The following NRXN1 variants were observed in gnomAD, a reference collection of about 807,000 sequenced individuals.
NRXN1 encodes the protein neurexin-1.
A neutral mutation model predicts 150.9 loss-of-function variants in NRXN1; 39 were observed. That is an observed-to-expected ratio of 0.26 (90% confidence interval 0.20 to 0.34). The LOEUF (loss-of-function observed/expected upper bound fraction) is 0.34, where lower values mean the gene tolerates loss of function less well. NRXN1 is among the 10% of genes least tolerant of loss of function. The pLI, the probability that NRXN1 is intolerant of heterozygous loss-of-function variation, is 1.00. For synonymous variants in NRXN1, 924 were observed against 757.0 expected (o/e 1.22, Z -3.62); for missense variants, 1,815 against 1,949.9 (o/e 0.93, Z 1.30).
At chr2:51,002,737 T>C (rs1289535860) in intron 2 of NRXN1, among the ~76,000 whole-genome samples, 1 of 151,944 alleles carries the variant, frequency 6.6e-6, no homozygotes, top group African/African-American at 2.4e-5. Flanking sequence ...GTTATTTTCT[T>C]TGCTACTTAA....
At position 50,954,681 on chromosome 2, in the gene NRXN1, G is replaced by A. The variant is rs186993475; in HGVS notation, c.773-28726C>T. On this transcript the variant is annotated intron_variant, in intron 2 of 22. Coordinates refer to ENST00000401669, the MANE Select transcript of NRXN1 (RefSeq NM_001330078.2). ...TGGAGGAATAACCTTGGACAAAAGA[G>A]GTTTGGTCAGAGGGCCTGGCATGCA... Among the ~76,000 whole-genome samples the A allele has an allele frequency of 9.4e-3, 1,433 of 152,302 alleles. 9 individuals carry two copies. The highest frequency in any genetic ancestry group is 0.051 in the Middle Eastern group (15 of 294).
At chr2:50,560,785 G>T (rs1026881251) in intron 8 of NRXN1, among the ~76,000 whole-genome samples, 2 of 152,042 alleles carry the variant, frequency 1.3e-5, no homozygotes, top group African/African-American at 2.4e-5. Flanking sequence ...AGAGTGTTTT[G>T]GGAAGGCAGC....
chr2:50,015,749 AAG>A (rs1403712020), intron 21 of NRXN1, among the ~76,000 whole-genome samples: 3 of 152,174 alleles, frequency 2.0e-5, no homozygotes, highest in East Asian at 3.9e-4. Context: ...GACAGACAAA[AAG>A]AGATTCATAG....
intron 5 of NRXN1, among the ~76,000 whole-genome samples, chr2:50,855,187 CTTCA>C (rs1471598892): frequency 6.6e-6 from 1 of 151,862 alleles, no homozygotes; most frequent in Non-Finnish European, 1.5e-5. Context: ...TTATTTATTA[CTTCA>C]TTCAGTCATT....
At chr2:50,338,308 T>C (rs1056555138) in intron 17 of NRXN1, among the ~76,000 whole-genome samples, 3 of 152,092 alleles carry the variant, frequency 2.0e-5, no homozygotes, top group Non-Finnish European at 2.9e-5. Flanking sequence ...CCTTCAGAAA[T>C]ATGGAATCTA....
At chr2:50,179,876 C>T (rs574831376) in intron 18 of NRXN1, among the ~76,000 whole-genome samples, 1 of 152,082 alleles carries the variant, frequency 6.6e-6, no homozygotes, top group Non-Finnish European at 1.5e-5. Flanking sequence ...TCCTCCTTCC[C>T]TTTTCCTATA....
chr2:50,309,326 T>C (rs2074963198), intron 17 of NRXN1, among the ~76,000 whole-genome samples: 1 of 152,166 alleles, frequency 6.6e-6, no homozygotes, highest in South Asian at 2.1e-4. Flanking sequence ...TTCCTCTAAC[T>C]TGATGAAAAA....
intron 17 of NRXN1, among the ~76,000 whole-genome samples, chr2:50,460,815 T>C (rs2088122882): frequency 6.6e-6 from 1 of 152,056 alleles, no homozygotes; most frequent in South Asian, 2.1e-4. Flanking sequence ...TATGAATTGC[T>C]TTAAACAGCT....
At chr2:50,219,296 T>C (rs1401408785) in intron 18 of NRXN1, among the ~76,000 whole-genome samples, 1 of 151,912 alleles carries the variant, frequency 6.6e-6, no homozygotes, top group Non-Finnish European at 1.5e-5. Context: ...AAGTATTGTC[T>C]TTTTATGTAT....
At chr2:50,235,016 G>C (rs950405295) in intron 18 of NRXN1, among the ~76,000 whole-genome samples, 2 of 151,976 alleles carry the variant, frequency 1.3e-5, no homozygotes, top group Non-Finnish European at 2.9e-5. Flanking sequence ...AAACAACAGT[G>C]GTTTGAGTAA....
At chr2:49,950,948 G>T (rs1673842529) in intron 21 of NRXN1, among the ~76,000 whole-genome samples, 1 of 151,908 alleles carries the variant, frequency 6.6e-6, no homozygotes. Flanking sequence ...TCAGCTGTCT[G>T]CTTGGGAAAA....
chr2:50,935,272 C>A (rs778245947), intron 2 of NRXN1, among the ~76,000 whole-genome samples: 1 of 152,082 alleles, frequency 6.6e-6, no homozygotes, highest in Non-Finnish European at 1.5e-5. Flanking sequence ...AAATAGTCAA[C>A]ATTTCTGTAA....
chr2:50,075,378 T>C (rs150083714), intron 19 of NRXN1, among the ~76,000 whole-genome samples: 15 of 152,298 alleles, frequency 9.8e-5, no homozygotes, highest in African/African-American at 3.4e-4. Context: ...TTATAGCTGA[T>C]AACAGGAAAA....
Position 50,472,349 on chromosome 2 carries a change from G to C in NRXN1, c.3193C>G (p.Leu1065Val), listed in dbSNP as rs373952532. The C allele has an allele frequency of 6.2e-7, 1 of 1,611,698 alleles. No individual in the cohort carries two copies. The highest frequency in any genetic ancestry group is 8.5e-7 in the Non-Finnish European group (1 of 1,178,604). ...SVDLNGRLPD[L>V]ISDALFCNGQ... ...TTGCAGAAAAGAGCATCGGAGATGA[G>C]GTCCGGAAGCCGTCCATTTAAATCA... The change falls in exon 16 of 23, where the codon CTC becomes GTC. Residue 1065 changes from leucine (L) to valine (V), a missense_variant. Coordinates refer to ENST00000401669, the MANE Select transcript of NRXN1 (RefSeq NM_001330078.2).
At chr2:49,970,044 A>C (rs557176596) in intron 21 of NRXN1, 1 of 152,148 alleles carries the variant, frequency 6.6e-6, no homozygotes, top group African/African-American at 2.4e-5. Flanking sequence ...TTGGCTCCCC[A>C]AAATAATATT....
intron 5 of NRXN1, among the ~76,000 whole-genome samples, chr2:50,723,256 T>G (rs936019851): frequency 6.6e-6 from 1 of 152,154 alleles, no homozygotes; most frequent in African/African-American, 2.4e-5. Context: ...GAATAAGACC[T>G]GAAATACAAT....
intron 8 of NRXN1, among the ~76,000 whole-genome samples, chr2:50,596,049 T>C (rs1353902998): frequency 1.3e-5 from 2 of 152,226 alleles, no homozygotes; most frequent in Non-Finnish European, 2.9e-5. Flanking sequence ...ACTGGTTTCA[T>C]GTTTGTTTTG....
intron 17 of NRXN1, among the ~76,000 whole-genome samples, chr2:50,297,889 T>C (rs927935338): frequency 2.6e-5 from 4 of 152,074 alleles, no homozygotes; most frequent in Non-Finnish European, 4.4e-5. Flanking sequence ...AAGGGCAACA[T>C]GGGTGACCTG....
At chr2:50,038,466 A>C (rs1690388435) in intron 21 of NRXN1, among the ~76,000 whole-genome samples, 1 of 152,128 alleles carries the variant, frequency 6.6e-6, no homozygotes, top group African/African-American at 2.4e-5. Context: ...GCTAACAACC[A>C]TGTAAGTGAG....
Sources: gnomAD v4.1 joint callset for allele counts (sites outside exome capture counted in the v4.1 genomes callset) on GRCh38, gnomAD v4.1.1 for gene constraint, MANE v1.5 for transcripts, NCBI Gene and HGNC (gene_info 2026-07-23, HGNC 2026-07-21) for gene names.